The following CHUK variants were observed in gnomAD, a reference collection of about 807,000 sequenced individuals.
The protein encoded by CHUK is component of inhibitor of nuclear factor kappa B kinase complex, also known as inhibitor of nuclear factor kappa-B kinase subunit alpha.
In CHUK, 35 loss-of-function variants were observed where a neutral mutation model predicts 104.8. That is an observed-to-expected ratio of 0.33 (90% confidence interval 0.26 to 0.44). The LOEUF (loss-of-function observed/expected upper bound fraction) is 0.44. CHUK is among the 20% of genes least tolerant of loss of function. CHUK has a pLI of 1.00. For synonymous variants in CHUK, 276 were observed against 291.9 expected (o/e 0.95, Z 0.56); for missense variants, 663 against 902.7 (o/e 0.73, Z 3.40).
At position 100,188,854 on chromosome 10, in the gene CHUK, A is replaced by G. The variant is rs1845130807; in HGVS notation, c.*744T>C. 1 of 152,246 alleles carries G rather than the reference A, an allele frequency of 6.6e-6. No homozygotes were observed. The highest frequency in any genetic ancestry group is 1.5e-5 in the Non-Finnish European group (1 of 68,036). The allele number at this position is 152,246 out of a possible 1,614,324, so 9.4% of individuals were successfully genotyped here. A position where few individuals can be genotyped will look rare whatever the true frequency, so the allele number is the denominator to read the frequency against. ...CAAATGACTCATTTTTACAAATGAA[A>G]AAACATGTAATTTTCAAATACATTA... On this transcript the variant is annotated 3_prime_UTR_variant, in exon 21 of 21. Transcript: ENST00000370397.
At position 100,189,676 on chromosome 10, in the gene CHUK, T is replaced by C. The variant is rs186479477; in HGVS notation, c.2209-49A>G. On this transcript the variant is annotated intron_variant, in intron 20 of 20. Coordinates refer to ENST00000370397, the MANE Select transcript of CHUK (RefSeq NM_001278.5). ...ACAATTAGATGTTGACTATAAGTTA[T>C]AAGTATATGGGTGTTCATTTTTGCA... 726 of 1,347,376 alleles carry C rather than the reference T, an allele frequency of 5.4e-4. 1 individual carries two copies. Among genetic ancestry groups the C allele is most frequent in the Middle Eastern group, 1.4e-3 (8 of 5,564 alleles). The allele number at this position is 1,347,376 out of a possible 1,614,324, so 83.5% of individuals were successfully genotyped here.
At chr10:100,203,345 G>T (rs1799341047) in intron 13 of CHUK, among the ~76,000 whole-genome samples, 1 of 151,738 alleles carries the variant, frequency 6.6e-6, no homozygotes, top group Non-Finnish European at 1.5e-5. Flanking sequence ...ATAAGCCTTT[G>T]ACAAGTCTAA....
At chr10:100,203,145 C>G (rs2134219404) in intron 13 of CHUK, among the ~76,000 whole-genome samples, 1 of 152,304 alleles carries the variant, frequency 6.6e-6, no homozygotes, top group South Asian at 2.1e-4. Flanking sequence ...TTCTACCCCT[C>G]TACCATCCAC....
At chr10:100,222,011 A>C in intron 4 of CHUK, 101 bp downstream of exon 4, 1 of 680,286 alleles carries the variant, frequency 1.5e-6, no homozygotes, top group Non-Finnish European at 2.7e-6. Flanking sequence ...AATTCTATAG[A>C]CTTTGTATAG....
chr10:100,193,143 A>G (rs1845243055), intron 19 of CHUK, 155 bp downstream of exon 19: 1 of 813,446 alleles, frequency 1.2e-6, no homozygotes, highest in East Asian at 2.5e-5. Flanking sequence ...TATGAACATC[A>G]AAAAAGTCAA....
chr10:100,217,617 C>T (rs182274822), intron 9 of CHUK, among the ~76,000 whole-genome samples: 177 of 152,352 alleles, frequency 1.2e-3, no homozygotes, highest in African/African-American at 4.0e-3. Flanking sequence ...CAATGGCTCA[C>T]GCCTGTAATC....
chr10:100,214,044 A>G (rs1845797211), intron 9 of CHUK, among the ~76,000 whole-genome samples: 1 of 152,170 alleles, frequency 6.6e-6, no homozygotes, highest in African/African-American at 2.4e-5. Flanking sequence ...TGCCTTCCCA[A>G]TTTAGGCAGA....
At chr10:100,221,396 C>T (rs17882431) in intron 4 of CHUK, among the ~76,000 whole-genome samples, 45,187 of 151,856 alleles carry the variant, frequency 0.3, 8,157 homozygotes, top group Non-Finnish European at 0.43. Flanking sequence ...GATCGCACCA[C>T]TGCACTCCAG....
chr10:100,209,792 G>A lies in CHUK; in HGVS notation c.934-3C>T. The A allele has an allele frequency of 8.0e-7, 1 of 1,243,590 alleles. No individual in the cohort carries two copies. The highest frequency in any genetic ancestry group is 2.0e-4 in the Middle Eastern group (1 of 5,020). The allele number at this position is 1,243,590 out of a possible 1,614,324, so 77.0% of individuals were successfully genotyped here. ...GTCATATTTAGGATGTGTACTATCT[G>A]TATAAATAAGAAAAAAAGGTAAAGT... is the stretch of plus-strand genomic sequence containing the variant. On this transcript the variant is annotated splice_region_variant and splice_polypyrimidine_tract_variant and intron_variant, in intron 9 of 20. Coordinates refer to ENST00000370397, the MANE Select transcript of CHUK (RefSeq NM_001278.5).
At position 100,219,043 on chromosome 10, in the gene CHUK, A is replaced by G. The variant is rs756580937; in HGVS notation, c.654T>C (p.Tyr218=). The part of the protein sequence containing the change: ...GTMVFECIAG[Y]RPFLHHLQPF... ...GCTGCAGATGATGCAAAAAAGGCCTATATCCAGCAATACATTCAAATACCA... is the reference window on the plus strand; with the variant it reads ...GCTGCAGATGATGCAAAAAAGGCCTGTATCCAGCAATACATTCAAATACCA... The change falls in exon 7 of 21, where the codon TAT becomes TAC. Residue 218 remains tyrosine (Y), a synonymous_variant. Transcript: ENST00000370397. 1 of 1,614,026 alleles carries G rather than the reference A, an allele frequency of 6.2e-7. No individual in the cohort carries two copies. The highest frequency in any genetic ancestry group is 8.5e-7 in the Non-Finnish European group (1 of 1,179,882).
intron 10 of CHUK, among the ~76,000 whole-genome samples, 174 bp downstream of exon 10, chr10:100,209,421 T>C (rs1050232579): frequency 2.1e-4 from 32 of 152,170 alleles, no homozygotes; most frequent in African/African-American, 7.7e-4. Context: ...AAACAACAAA[T>C]GTTTCATTTC....
At chr10:100,205,852 C>T (rs757625565) in intron 11 of CHUK, among the ~76,000 whole-genome samples, 155 of 152,250 alleles carry the variant, frequency 1.0e-3, no homozygotes, top group African/African-American at 3.4e-3. Flanking sequence ...CGCTTGTACC[C>T]GGGAGGTGGG....
chr10:100,228,170 T>C (rs886592222), intron 1 of CHUK, among the ~76,000 whole-genome samples: 2 of 152,200 alleles, frequency 1.3e-5, no homozygotes, highest in African/African-American at 4.8e-5. Context: ...ATGTAATTAT[T>C]ATACTATACT....
At position 100,222,956 on chromosome 10, in the gene CHUK, CT is replaced by C; in HGVS notation, c.224del (p.Lys75ArgfsTer9). 1 of 1,599,642 alleles carries C rather than the reference CT, an allele frequency of 6.3e-7. No individual in the cohort carries two copies. The highest frequency in any genetic ancestry group is 2.2e-5 in the East Asian group (1 of 44,710). Reference sequence around the variant, plus strand: ...TCAATTCTTCAGGAACATCACAGGCCTTTACAACATTGGCATGGTTCAACCT... The same window carrying C: ...TCAATTCTTCAGGAACATCACAGGCCTTACAACATTGGCATGGTTCAACCT... ...MKKLNHANVV[K>X]ACDVPEELNI... On this transcript the variant is annotated frameshift_variant, in exon 3 of 21. Transcript: ENST00000370397. LOFTEE classifies it high-confidence loss of function.
chr10:100,205,536 T>A (rs937070962), intron 11 of CHUK, among the ~76,000 whole-genome samples: 2 of 152,196 alleles, frequency 1.3e-5, no homozygotes, highest in African/African-American at 4.8e-5. Context: ...TAATCCAAAT[T>A]ATTTCTTTCA....
rs117308640 is a variant in CHUK at position 100,196,790 on chromosome 10, G to A, written c.1730-2269C>T. Reference sequence around the variant, plus strand: ...GCACTCTATTCAAATCTATGAGGTCGTCACCTCTTCCATTTCAGTTAACCT... The same window carrying A: ...GCACTCTATTCAAATCTATGAGGTCATCACCTCTTCCATTTCAGTTAACCT... On this transcript the variant is annotated intron_variant, in intron 16 of 20. Transcript: ENST00000370397. Among the ~76,000 whole-genome samples the A allele has an allele frequency of 6.6e-5, 10 of 152,202 alleles. No individual in the cohort carries two copies. The East Asian group carries it at 1.9e-3, about 29-fold the overall frequency.
chr10:100,225,792 T>C, intron 2 of CHUK, 131 bp downstream of exon 2: 1 of 642,404 alleles, frequency 1.6e-6, no homozygotes, highest in Non-Finnish European at 2.8e-6. Context: ...AAATAGAATA[T>C]ATTTAATGAG....
rs367706326 is a variant in CHUK at position 100,215,085 on chromosome 10, A to C, written c.933+2910T>G. On this transcript the variant is annotated intron_variant, in intron 9 of 20. Coordinates refer to ENST00000370397, the MANE Select transcript of CHUK (RefSeq NM_001278.5). ...CCCCATTTCTACCAAAAATATAAAAATTAGCTGGACACGGTGGCAGGCACC... is the reference window on the plus strand; with the variant it reads ...CCCCATTTCTACCAAAAATATAAAACTTAGCTGGACACGGTGGCAGGCACC... Among the ~76,000 whole-genome samples, 374 of 152,186 alleles carry C rather than the reference A, an allele frequency of 2.5e-3. 2 individuals are homozygous for C. The highest frequency in any genetic ancestry group is 8.4e-3 in the African/African-American group (350 of 41,524).
Position 100,199,979 on chromosome 10 carries a change from C to CT in CHUK, c.1720dup (p.Arg574LysfsTer9). The CT allele has an allele frequency of 6.2e-7, 1 of 1,611,674 alleles. No individual in the cohort carries two copies. Among genetic ancestry groups the CT allele is most frequent in the Non-Finnish European group, 8.5e-7 (1 of 1,177,876 alleles). On this transcript the variant is annotated frameshift_variant, in exon 16 of 21. Transcript: ENST00000370397. LOFTEE classifies it high-confidence loss of function. The stretch of plus-strand genomic sequence containing the variant: ...TGGTAGAAGTGTCTTACCTGAAGGT[C>CT]TGTGTTTTAACTGCTTATATAGATC...
Sources: allele counts gnomAD v4.1 joint callset (sites outside exome capture counted in the v4.1 genomes callset), GRCh38; gene constraint gnomAD v4.1.1; transcripts MANE v1.5; gene names NCBI Gene and HGNC (gene_info 2026-07-23, HGNC 2026-07-21).